Variants in MCTP2 observed in about 807,000 individuals in gnomAD.
MCTP2 encodes multiple C2 and transmembrane domain containing 2, also known as multiple C2 and transmembrane domain-containing protein 2.
A neutral mutation model predicts 111.6 loss-of-function variants in MCTP2; 132 were observed. That is an observed-to-expected ratio of 1.18 (90% CI 1.03 to 1.37). MCTP2 has a LOEUF of 1.37. Ranked by LOEUF, MCTP2 falls within the 40% of genes most tolerant of loss-of-function variation. The pLI is 0.00. For missense variants in MCTP2, 1,183 were observed against 1,067.9 expected (o/e 1.11, Z -1.50); for synonymous variants, 395 against 387.7 (o/e 1.02, Z -0.22).
chr15:94,478,370 A>G (rs1283880997), intron 22 of MCTP2, among the ~76,000 whole-genome samples: 1 of 152,352 alleles, frequency 6.6e-6, no homozygotes, highest in East Asian at 1.9e-4. Context: ...TGTATCGCCA[A>G]GGGCGCTTTC....
intron 2 of MCTP2, among the ~76,000 whole-genome samples, chr15:94,304,887 TG>T (rs944514079): frequency 6.6e-6 from 1 of 152,192 alleles, no homozygotes; most frequent in African/African-American, 2.4e-5. Flanking sequence ...TGAGGCTTCC[TG>T]GCGTGACCTC....
At chr15:94,284,862 C>CTTTTAAAGGATA in intron 1 of MCTP2, among the ~76,000 whole-genome samples, 1 of 152,134 alleles carries the variant, frequency 6.6e-6, no homozygotes, top group Non-Finnish European at 1.5e-5. Flanking sequence ...AAGGCCTTTA[C>CTTTTAAAGGATA]AACTATTTAG....
chr15:94,384,377 A>C (rs2080334352), intron 13 of MCTP2, among the ~76,000 whole-genome samples: 1 of 152,162 alleles, frequency 6.6e-6, no homozygotes, highest in Non-Finnish European at 1.5e-5. Flanking sequence ...TCTATGAATA[A>C]ATGGAAGCTT....
At chr15:94,454,066 A>G (rs1413124134) in intron 19 of MCTP2, among the ~76,000 whole-genome samples, 4 of 152,246 alleles carry the variant, frequency 2.6e-5, no homozygotes, top group African/African-American at 9.6e-5. Flanking sequence ...CTGCCAAAGG[A>G]TGCAAACACA....
At chr15:94,458,930 T>A (rs923917824) in intron 20 of MCTP2, among the ~76,000 whole-genome samples, 5 of 152,226 alleles carry the variant, frequency 3.3e-5, no homozygotes, top group African/African-American at 1.2e-4. Context: ...CATGCTGGAT[T>A]TGATTTATAG....
At chr15:94,386,881 A>G (rs928089963) in intron 14 of MCTP2, among the ~76,000 whole-genome samples, 2 of 151,976 alleles carry the variant, frequency 1.3e-5, no homozygotes, top group African/African-American at 4.8e-5. Flanking sequence ...TTTCTGTACT[A>G]CCAACAACTG....
chr15:94,323,367 G>A (rs1384277694), intron 4 of MCTP2, among the ~76,000 whole-genome samples: 2 of 152,144 alleles, frequency 1.3e-5, no homozygotes, highest in Non-Finnish European at 2.9e-5. Flanking sequence ...AATGAAGTTG[G>A]TGGGAGACTA....
chr15:94,382,198 A>AC (rs1318803288), intron 12 of MCTP2, among the ~76,000 whole-genome samples: 6 of 152,218 alleles, frequency 3.9e-5, no homozygotes, highest in African/African-American at 1.2e-4. Context: ...AGAGGCCACA[A>AC]CAGACTTTTC....
chr15:94,446,691 G>A (rs1355618991), intron 19 of MCTP2, among the ~76,000 whole-genome samples: 1 of 152,062 alleles, frequency 6.6e-6, no homozygotes, highest in Non-Finnish European at 1.5e-5. Flanking sequence ...GAATCATAAG[G>A]GCATGTAATA....
chr15:94,247,024 G>T (rs2072063329), intron 1 of MCTP2, among the ~76,000 whole-genome samples: 1 of 152,188 alleles, frequency 6.6e-6, no homozygotes, highest in South Asian at 2.1e-4. Flanking sequence ...ATGCATCCCA[G>T]ACAGGTTGAG....
At chr15:94,468,284 A>T (rs2073581367) in intron 20 of MCTP2, among the ~76,000 whole-genome samples, 1 of 152,170 alleles carries the variant, frequency 6.6e-6, no homozygotes, top group Non-Finnish European at 1.5e-5. Context: ...ATTCTAGCAG[A>T]ATCTGTGATA....
intron 14 of MCTP2, among the ~76,000 whole-genome samples, chr15:94,396,181 T>C (rs776045418): frequency 8.5e-5 from 13 of 152,198 alleles, no homozygotes; most frequent in Non-Finnish European, 1.9e-4. Flanking sequence ...TGAAGTGAAG[T>C]CCTCCCAAAT....
At chr15:94,314,176 A>G (rs1057129958) in intron 2 of MCTP2, 106 bp from the exon 3 acceptor site, 3 of 744,014 alleles carry the variant, frequency 4.0e-6, no homozygotes, top group Non-Finnish European at 4.6e-6. Flanking sequence ...GAAGCTGCAT[A>G]TGCAAATATC....
At chr15:94,401,857 A>G (rs2081608757) in intron 16 of MCTP2, 43 bp from the exon 17 acceptor site, 1 of 1,499,334 alleles carries the variant, frequency 6.7e-7, no homozygotes, top group East Asian at 2.3e-5. Flanking sequence ...GAATATTTGT[A>G]GTATTTAAAT....
chr15:94,389,874 A>C (rs904189627), intron 14 of MCTP2, among the ~76,000 whole-genome samples: 1 of 151,892 alleles, frequency 6.6e-6, no homozygotes, highest in African/African-American at 2.4e-5. Context: ...AGTATGGAAT[A>C]TACTTCAACT....
At position 94,303,014 on chromosome 15, in the gene MCTP2, A is replaced by G. The variant is rs191487616; in HGVS notation, c.465+4284A>G. On this transcript the variant is annotated intron_variant, in intron 2 of 22. Coordinates refer to ENST00000357742, the MANE Select transcript of MCTP2 (RefSeq NM_001385001.1). ...GCCAGCAAAGGGAGAGAGCATGGAC[A>G]AGGAAACTCCCTGTATTAGGGTTCT... Among the ~76,000 whole-genome samples the G allele has an allele frequency of 7.6e-3, 1,054 of 138,092 alleles. 16 individuals are homozygous for G. The highest frequency in any genetic ancestry group is 0.025 in the African/African-American group (989 of 38,840). 90.6% of individuals were successfully genotyped at this position (138,092 alleles called of 152,430 possible).
chr15:94,330,908 T>C (rs2077104702), intron 4 of MCTP2, among the ~76,000 whole-genome samples: 1 of 150,976 alleles, frequency 6.6e-6, no homozygotes, highest in African/African-American at 2.5e-5. Context: ...CTAATTTCTG[T>C]ATTTTTTGTA....
intron 4 of MCTP2, among the ~76,000 whole-genome samples, chr15:94,321,684 G>A (rs536443104): frequency 4.5e-4 from 68 of 152,230 alleles, no homozygotes; most frequent in Non-Finnish European, 7.9e-4. Flanking sequence ...TTAAAATACA[G>A]CTAATCAATA....
At chr15:94,304,625 T>C (rs2075797479) in intron 2 of MCTP2, among the ~76,000 whole-genome samples, 1 of 152,210 alleles carries the variant, frequency 6.6e-6, no homozygotes, top group Non-Finnish European at 1.5e-5. Flanking sequence ...ACAGTCAGCC[T>C]TTAGGAGAAG....
Sources: allele counts gnomAD v4.1 joint callset (sites outside exome capture counted in the v4.1 genomes callset), GRCh38; gene constraint gnomAD v4.1.1; transcripts MANE v1.5; gene names NCBI Gene and HGNC (gene_info 2026-07-23, HGNC 2026-07-21).